Variants in NELL1 observed in about 807,000 individuals in gnomAD.
The protein encoded by NELL1 is neural EGFL like 1.
NELL1 carries 76 observed loss-of-function variants against 107.4 expected under a neutral mutation model. The observed-to-expected ratio is 0.71, with a 90% CI of 0.59 to 0.86. The LOEUF is 0.86. Among genes scored for constraint, NELL1 ranks in the 40% least tolerant of loss-of-function variants. The pLI is 0.00. For synonymous variants in NELL1, 353 were observed against 341.2 expected (o/e 1.03, Z -0.38); for missense variants, 1,024 against 1,005.5 (o/e 1.02, Z -0.25).
At chr11:20,982,999 G>T (rs148277972) in intron 12 of NELL1, among the ~76,000 whole-genome samples, 89 of 152,202 alleles carry the variant, frequency 5.8e-4, no homozygotes, top group African/African-American at 2.0e-3. Context: ...TTTAAGATCT[G>T]ATTTTCATTG....
Position 20,868,807 on chromosome 11 carries a change from A to T in NELL1, c.507-16637A>T, listed in dbSNP as rs1849143742. 2.0e-5 allele frequency among the ~76,000 whole-genome samples: 3 copies of T among 152,300 alleles called. No individual in the cohort carries two copies. The South Asian group carries it at 6.2e-4, about 32-fold the overall frequency. On this transcript the variant is annotated intron_variant, in intron 4 of 19. Coordinates refer to ENST00000357134, the MANE Select transcript of NELL1 (RefSeq NM_006157.5). The stretch of plus-strand genomic sequence containing the variant: ...ATAAAAGTATTAAATTTTATATAAA[A>T]GAGAAGAAATTTCATGATCTTAAGG...
At chr11:21,287,509 C>T (rs1849151726) in intron 14 of NELL1, among the ~76,000 whole-genome samples, 2 of 152,112 alleles carry the variant, frequency 1.3e-5, no homozygotes, top group African/African-American at 4.8e-5. Flanking sequence ...CCTCATTTTC[C>T]CTTCCTCAGG....
intron 2 of NELL1, among the ~76,000 whole-genome samples, chr11:20,757,962 T>C (rs1343017916): frequency 6.6e-6 from 1 of 152,234 alleles, no homozygotes; most frequent in African/African-American, 2.4e-5. Context: ...GGTCAGGTTC[T>C]GGTGAGAACC....
chr11:20,829,575 G>A (rs1857962061), intron 3 of NELL1, among the ~76,000 whole-genome samples: 1 of 150,788 alleles, frequency 6.6e-6, no homozygotes, highest in South Asian at 2.1e-4. Flanking sequence ...ATTTTGCCAG[G>A]TTTTTTTTTA....
At chr11:21,496,171 TGTA>T (rs1854971895) in intron 15 of NELL1, among the ~76,000 whole-genome samples, 1 of 151,992 alleles carries the variant, frequency 6.6e-6, no homozygotes, top group South Asian at 2.1e-4. Context: ...TATGCACAGT[TGTA>T]GTAATTTATA....
rs531916899 is a variant in NELL1 at position 21,452,219 on chromosome 11, TTTC to T, written c.1645+81274_1645+81276del. 8.1e-4 allele frequency among the ~76,000 whole-genome samples: 124 copies of T among 152,206 alleles called. 1 individual carries two copies. The highest frequency in any genetic ancestry group is 2.9e-3 in the African/African-American group (122 of 41,544). On this transcript the variant is annotated intron_variant, in intron 15 of 19. Transcript: ENST00000357134. ...CTCACAATATCTCTCAGGTGAGAAA[TTTC>T]TTTTTTTGAAAGATGAAAAATATCA... is the stretch of plus-strand genomic sequence containing the variant.
At chr11:20,868,228 A>C (rs1169908659) in intron 4 of NELL1, among the ~76,000 whole-genome samples, 2 of 152,070 alleles carry the variant, frequency 1.3e-5, no homozygotes, top group Non-Finnish European at 2.9e-5. Flanking sequence ...TGAAACCCAG[A>C]CCTCCATGAC....
At chr11:20,987,745 T>A (rs1490341260) in intron 12 of NELL1, among the ~76,000 whole-genome samples, 1 of 152,158 alleles carries the variant, frequency 6.6e-6, no homozygotes, top group Non-Finnish European at 1.5e-5. Context: ...TTAAATTTCG[T>A]TGTACCTCAT....
At chr11:21,355,721 C>T (rs1047228369) in intron 14 of NELL1, among the ~76,000 whole-genome samples, 57 of 152,312 alleles carry the variant, frequency 3.7e-4, no homozygotes, top group African/African-American at 1.1e-3. Context: ...ATTGCCCTTC[C>T]TTTTAATAAA....
chr11:21,170,878 C>A (rs1031156070), intron 13 of NELL1, among the ~76,000 whole-genome samples: 1 of 151,338 alleles, frequency 6.6e-6, no homozygotes, highest in African/African-American at 2.4e-5. Flanking sequence ...TACCCTTTTT[C>A]TTTTTACTAA....
intron 14 of NELL1, among the ~76,000 whole-genome samples, chr11:21,299,182 A>C (rs377509985): frequency 6.6e-6 from 1 of 151,902 alleles, no homozygotes; most frequent in Non-Finnish European, 1.5e-5. Flanking sequence ...CCAGGAGACT[A>C]TTTTCAGTTT....
At chr11:20,693,542 T>A (rs1200784361) in intron 2 of NELL1, among the ~76,000 whole-genome samples, 2 of 152,184 alleles carry the variant, frequency 1.3e-5, no homozygotes, top group Non-Finnish European at 2.9e-5. Flanking sequence ...CCTTCACTTA[T>A]GAAGCTTAGT....
intron 12 of NELL1, among the ~76,000 whole-genome samples, chr11:21,105,889 C>T (rs1854954037): frequency 1.0e-4 from 1 of 9,638 alleles, no homozygotes; most frequent in African/African-American, 5.3e-4. Flanking sequence ...CTCCTCTCCT[C>T]TCCTCTTTAT....
chr11:21,185,350 T>C (rs1215194398), intron 13 of NELL1, among the ~76,000 whole-genome samples: 3 of 140,370 alleles, frequency 2.1e-5, no homozygotes, highest in African/African-American at 7.9e-5. Flanking sequence ...GGCTGGAGCA[T>C]AGTGGTGCAT....
chr11:21,175,457 A>T (rs1286157715), intron 13 of NELL1, among the ~76,000 whole-genome samples: 1 of 151,854 alleles, frequency 6.6e-6, no homozygotes, highest in African/African-American at 2.4e-5. Context: ...CACTGTAAAT[A>T]TTTCCTGTTG....
chr11:21,551,761 A>G (rs2133990752), intron 16 of NELL1, among the ~76,000 whole-genome samples: 1 of 151,536 alleles, frequency 6.6e-6, no homozygotes, highest in Non-Finnish European at 1.5e-5. Flanking sequence ...TAGAAATACC[A>G]TTTGACCCAG....
At chr11:20,719,463 A>T (rs1855327519) in intron 2 of NELL1, among the ~76,000 whole-genome samples, 1 of 152,104 alleles carries the variant, frequency 6.6e-6, no homozygotes, top group South Asian at 2.1e-4. Context: ...TAGTTTTGGA[A>T]AAAGGAAGAA....
chr11:21,220,519 T>C (rs757162863), intron 13 of NELL1, among the ~76,000 whole-genome samples: 2 of 152,198 alleles, frequency 1.3e-5, no homozygotes, highest in Non-Finnish European at 2.9e-5. Flanking sequence ...GGAATAGTTT[T>C]ACATTTTTGT....
At chr11:21,361,665 A>AGGCTTTGT (rs1851079285) in intron 14 of NELL1, among the ~76,000 whole-genome samples, 1 of 152,084 alleles carries the variant, frequency 6.6e-6, no homozygotes, top group South Asian at 2.1e-4. Context: ...CATTTCTTGG[A>AGGCTTTGT]GGCTTTGTTC....
Sources: gnomAD v4.1 joint callset for allele counts (sites outside exome capture counted in the v4.1 genomes callset) on GRCh38, gnomAD v4.1.1 for gene constraint, MANE v1.5 for transcripts, NCBI Gene and HGNC (gene_info 2026-07-23, HGNC 2026-07-21) for gene names.